EXOSC10: variants seen among roughly 807,000 people sequenced by gnomAD.
EXOSC10 encodes exosome component 10, also known as exosome complex component 10.
A neutral mutation model predicts 126.6 loss-of-function variants in EXOSC10; 94 were observed. The observed-to-expected ratio is 0.74, with a 90% CI of 0.63 to 0.88. The LOEUF (loss-of-function observed/expected upper bound fraction) is 0.88, where lower values mean the gene tolerates loss of function less well. Among genes scored for constraint, EXOSC10 ranks in the 40% least tolerant of loss-of-function variants. The pLI is 0.00. For synonymous variants in EXOSC10, 395 were observed against 400.8 expected, an observed-to-expected ratio of 0.99 and a Z score of 0.17; for missense variants, 1,041 against 1,100.5, an observed-to-expected ratio of 0.95 and a Z score of 0.77.
chr1:11,099,023 C>G (rs1641273119), intron 1 of EXOSC10, among the ~76,000 whole-genome samples: 2 of 152,168 alleles, frequency 1.3e-5, no homozygotes, highest in South Asian at 4.1e-4. Flanking sequence ...GTTAATGAAT[C>G]AATAGCATTA....
intron 9 of EXOSC10, among the ~76,000 whole-genome samples, chr1:11,084,096 A>G (rs1168890132): frequency 1.3e-5 from 2 of 152,208 alleles, no homozygotes; most frequent in African/African-American, 2.4e-5. Context: ...ATATGTGTGC[A>G]TGTGTCTTTA....
At chr1:11,074,882 C>T (rs1187925721) in intron 17 of EXOSC10, among the ~76,000 whole-genome samples, 2 of 152,156 alleles carry the variant, frequency 1.3e-5, no homozygotes, top group Non-Finnish European at 2.9e-5. Flanking sequence ...ATTACTCTCA[C>T]CATCTTACAG....
chr1:11,095,974 T>A lies in EXOSC10; in HGVS notation c.249-93A>T, dbSNP rs1188484504. The A allele has an allele frequency of 2.9e-6, 4 of 1,362,578 alleles. No homozygotes were observed. In the East Asian group the frequency reaches 7.2e-5, roughly 25 times the overall value. The allele number at this position is 1,362,578 out of a possible 1,614,324, so 84.4% of individuals were successfully genotyped here. A position where few individuals can be genotyped will look rare whatever the true frequency, so the allele number is the denominator to read the frequency against. ...AATGTTCAAATGATGTGGCTCAGAC[T>A]GTTCCCAACACATCTTTTTTTTTTT... is the stretch of plus-strand genomic sequence containing the variant. On this transcript the variant is annotated intron_variant, in intron 2 of 24. Coordinates refer to ENST00000376936, the MANE Select transcript of EXOSC10 (RefSeq NM_001001998.3).
intron 17 of EXOSC10, among the ~76,000 whole-genome samples, chr1:11,075,173 C>T (rs1639738548): frequency 6.6e-6 from 1 of 152,180 alleles, no homozygotes; most frequent in East Asian, 1.9e-4. Context: ...GCTGGGATTA[C>T]AAGCGTGCGC....
In EXOSC10 at chr1:11,091,544, G is replaced by A; in HGVS notation, c.426C>T (p.Leu142=). Residue 142 remains leucine (L), a synonymous_variant, in exon 4 of 25, where the codon CTC becomes CTT. Transcript: ENST00000376936. Reference sequence around the variant, plus strand: ...TTTTGGGGACCTGCAAGCCGGCAGGGAGGACAGGCTGTTGATTCTTGTTTA... The same window carrying A: ...TTTTGGGGACCTGCAAGCCGGCAGGAAGGACAGGCTGTTGATTCTTGTTTA... The part of the protein sequence containing the change: ...SGVNKNQQPV[L]PAGLQVPKTV... 1 of 1,614,200 alleles carries A rather than the reference G, an allele frequency of 6.2e-7. No homozygotes were observed. Among genetic ancestry groups the A allele is most frequent in the Non-Finnish European group, 8.5e-7 (1 of 1,180,046 alleles).
intron 6 of EXOSC10, among the ~76,000 whole-genome samples, chr1:11,089,396 A>G (rs959116823): frequency 1.3e-5 from 2 of 151,304 alleles, no homozygotes; most frequent in African/African-American, 2.4e-5. Context: ...GATCAACTGA[A>G]GTCAGGAGTT....
In EXOSC10 at chr1:11,077,635, C is replaced by A; in HGVS notation, c.1766G>T (p.Gly589Val). ...GGGCAGCGGTCCGCTCTTCTTCACTCCGGCTGCAACTTCAGACTAAGGAAA... is the reference window on the plus strand; with the variant it reads ...GGGCAGCGGTCCGCTCTTCTTCACTACGGCTGCAACTTCAGACTAAGGAAA... ...MPLLKSEVAA[G>V]VKKSGPLPSA... is the part of the protein sequence containing the mutation. Residue 589 changes from glycine to valine, a missense_variant, in exon 15 of 25, where the codon GGA (glycine) becomes GTA (valine). Physicochemically the swap from Gly to Val is moderately radical, Grantham distance 109. Coordinates refer to ENST00000376936, the MANE Select transcript of EXOSC10 (RefSeq NM_001001998.3). 2 of 1,610,318 alleles carry A rather than the reference C, an allele frequency of 1.2e-6. No individual in the cohort carries two copies. Among genetic ancestry groups the A allele is most frequent in the African/African-American group, 2.7e-5 (2 of 74,980 alleles).
At position 11,069,540 on chromosome 1, in the gene EXOSC10, G is replaced by A; in HGVS notation, c.2488+19C>T. Reference sequence around the variant, plus strand: ...GACGCGCACAGATGTCCCTGTATGGGGCCCCATTACTTCCTCACCAGCAAA... The same window carrying A: ...GACGCGCACAGATGTCCCTGTATGGAGCCCCATTACTTCCTCACCAGCAAA... On this transcript the variant is annotated intron_variant, in intron 22 of 24. Coordinates refer to ENST00000376936, the MANE Select transcript of EXOSC10 (RefSeq NM_001001998.3). The A allele has an allele frequency of 1.2e-6, 2 of 1,610,060 alleles. No homozygotes were observed. The highest frequency in any genetic ancestry group is 1.7e-6 in the Non-Finnish European group (2 of 1,178,884).
Position 11,081,222 on chromosome 1 carries a change from T to C in EXOSC10, c.1297A>G (p.Met433Val), listed in dbSNP as rs1570818192. Residue 433 changes from methionine to valine, a missense_variant, in exon 11 of 25, where the codon ATG (methionine) becomes GTG (valine). Coordinates refer to ENST00000376936, the MANE Select transcript of EXOSC10 (RefSeq NM_001001998.3). ...GTGTCATCCCGGGCGTAGCTGAGCA[T>C]CTCCTCGGGCAGAGGGCTGGAATTG... Reference protein sequence around the residue: ...DWRIRPLPEEMLSYARDDTHY... With the variant: ...DWRIRPLPEEVLSYARDDTHY... 1.2e-6 allele frequency: 2 copies of C among 1,614,124 alleles called. No homozygotes were observed. The highest frequency in any genetic ancestry group is 1.3e-5 in the African/African-American group (1 of 75,036).
intron 17 of EXOSC10, 87 bp from the exon 18 acceptor site, chr1:11,074,413 A>AT (rs368062216): frequency 0.2 from 141,085 of 704,518 alleles, 3 homozygotes; most frequent in South Asian, 0.24. Context: ...GTTAACAGTG[A>AT]TTTTTTTTTT....
intron 16 of EXOSC10, 129 bp from the exon 17 acceptor site, chr1:11,077,077 C>T (rs956954439): frequency 3.6e-5 from 25 of 694,322 alleles, no homozygotes; most frequent in Middle Eastern, 3.8e-4. Context: ...CTGCAACCTC[C>T]GCCTCCTCGG....
At chr1:11,098,247 T>C in intron 1 of EXOSC10, 91 bp from the exon 2 acceptor site, 15 of 1,417,926 alleles carry the variant, frequency 1.1e-5, no homozygotes, top group Non-Finnish European at 1.4e-5. Context: ...ACAAGGTATC[T>C]ACTCTTCATC....
At chr1:11,069,486 T>A in intron 22 of EXOSC10, 73 bp downstream of exon 22, 1 of 1,508,484 alleles carries the variant, frequency 6.6e-7, no homozygotes, top group Non-Finnish European at 9.0e-7. Context: ...GCCCCTATAT[T>A]GTGGTCTCTT....
chr1:11,074,287 C>A lies in EXOSC10; in HGVS notation c.2026G>T (p.Val676Phe), dbSNP rs1639691837. 6.2e-7 allele frequency: 1 copy of A among 1,614,174 alleles called. No individual in the cohort carries two copies. The change falls in exon 18 of 25, where the codon GTT becomes TTT. Residue 676 changes from valine to phenylalanine, a missense_variant. By Grantham distance (50) the Val-to-Phe change is conservative (BLOSUM62 -1). Transcript: ENST00000376936. ...AEDSKKGPLT[V>F]AQKKAQNIME... is the part of the protein sequence containing the mutation. ...ATGTTCTGGGCTTTTTTCTGTGCAACTGTCAATGGACCCTTTTTACTGTCT... is the reference window on the plus strand; with the variant it reads ...ATGTTCTGGGCTTTTTTCTGTGCAAATGTCAATGGACCCTTTTTACTGTCT...
intron 17 of EXOSC10, among the ~76,000 whole-genome samples, chr1:11,075,964 G>A (rs1639794343): frequency 1.3e-5 from 2 of 150,214 alleles, no homozygotes; most frequent in Admixed American, 6.7e-5. Context: ...TCAGGCATTC[G>A]AGACCAGCCT....
intron 14 of EXOSC10, among the ~76,000 whole-genome samples, chr1:11,078,492 C>T (rs925110618): frequency 1.3e-4 from 20 of 151,946 alleles, no homozygotes; most frequent in African/African-American, 3.1e-4. Flanking sequence ...CTCCTGACCT[C>T]GTGATCCGCC....
Position 11,074,323 on chromosome 1 carries a change from G to C in EXOSC10, c.1990C>G (p.Pro664Ala). Residue 664 changes from proline (P) to alanine (A), a missense_variant, in exon 18 of 25, where the codon CCT (proline) becomes GCT (alanine). By Grantham distance (27) the Pro-to-Ala change is conservative (BLOSUM62 -1). Transcript: ENST00000376936. ...CCCTTTTTACTGTCTTCAGCACTAGGTTCCTGCAGGGACAGACAAAAAACG... is the reference window on the plus strand; with the variant it reads ...CCCTTTTTACTGTCTTCAGCACTAGCTTCCTGCAGGGACAGACAAAAAACG... ...ATAVITLFNE[P>A]SAEDSKKGPL... is the part of the protein sequence containing the mutation. 2 of 1,612,720 alleles carry C rather than the reference G, an allele frequency of 1.2e-6. No homozygotes were observed. The highest frequency in any genetic ancestry group is 1.7e-6 in the Non-Finnish European group (2 of 1,178,910).
intron 24 of EXOSC10, among the ~76,000 whole-genome samples, 194 bp downstream of exon 24, chr1:11,067,814 A>G (rs2791658): frequency 0.6 from 91,805 of 151,948 alleles, 31,076 homozygotes; most frequent in East Asian, 0.79. Flanking sequence ...TCTGTGATGT[A>G]TGGCACAGAG....
At chr1:11,097,926 A>AGCTG in intron 2 of EXOSC10, 94 bp downstream of exon 2, 1 of 1,281,152 alleles carries the variant, frequency 7.8e-7, no homozygotes, top group Non-Finnish European at 1.0e-6. Context: ...ACCACAGAAA[A>AGCTG]TGTTTAAGGA....
Sources: gnomAD v4.1 joint callset for allele counts (sites outside exome capture counted in the v4.1 genomes callset) on GRCh38, gnomAD v4.1.1 for gene constraint, MANE v1.5 for transcripts, NCBI Gene and HGNC (gene_info 2026-07-23, HGNC 2026-07-21) for gene names.